The following PLXNA4 variants were observed in gnomAD, a reference collection of about 807,000 sequenced individuals.
PLXNA4 encodes plexin-A4.
In PLXNA4, 44 loss-of-function variants were observed where a neutral mutation model predicts 191.8. That is an observed-to-expected ratio of 0.23 (90% CI 0.18 to 0.29). The LOEUF (loss-of-function observed/expected upper bound fraction) is 0.29. Ranked by LOEUF, PLXNA4 falls within the 10% of genes least tolerant of loss-of-function variation. PLXNA4 has a pLI of 1.00. For missense variants in PLXNA4, 1,800 were observed against 2,488.8 expected, an observed-to-expected ratio of 0.72 and a Z score of 5.89; for synonymous variants, 1,082 against 1,009.5, an observed-to-expected ratio of 1.07 and a Z score of -1.36.
intron 1 of PLXNA4, among the ~76,000 whole-genome samples, chr7:132,532,972 T>A (rs1799681814): frequency 6.6e-6 from 1 of 152,240 alleles, no homozygotes; most frequent in Non-Finnish European, 1.5e-5. Flanking sequence ...CCTTGTAGGT[T>A]GTGATGAGGA....
chr7:132,328,563 C>A (rs1802465572), intron 3 of PLXNA4, among the ~76,000 whole-genome samples: 1 of 152,190 alleles, frequency 6.6e-6, no homozygotes, highest in Admixed American at 6.5e-5. Context: ...ACTCTGGGAG[C>A]AATTATGACC....
intron 3 of PLXNA4, among the ~76,000 whole-genome samples, chr7:132,478,766 G>T (rs1475490552): frequency 6.6e-6 from 1 of 152,108 alleles, no homozygotes; most frequent in African/African-American, 2.4e-5. Context: ...TCGTCAGGTG[G>T]CTTCAACATC....
chr7:132,557,930 A>AGG (rs1214231668), intron 1 of PLXNA4, among the ~76,000 whole-genome samples: 2 of 149,620 alleles, frequency 1.3e-5, no homozygotes, highest in Non-Finnish European at 3.0e-5. Flanking sequence ...TAAGGTAGGG[A>AGG]GAGAGAGAGA....
chr7:132,593,411 A>C (rs1474853381), intron 2 of PLXNA4, among the ~76,000 whole-genome samples: 2 of 152,222 alleles, frequency 1.3e-5, no homozygotes, highest in Non-Finnish European at 2.9e-5. Context: ...ACACCACCCC[A>C]GGTAAGCAGT....
intron 27 of PLXNA4, among the ~76,000 whole-genome samples, 178 bp downstream of exon 27, chr7:132,147,722 G>C (rs1459360573): frequency 6.6e-6 from 1 of 152,182 alleles, no homozygotes; most frequent in Non-Finnish European, 1.5e-5. Context: ...TTATGCATCA[G>C]AGTGCCCGAC....
At chr7:132,563,659 C>A (rs1433460596) in intron 1 of PLXNA4, among the ~76,000 whole-genome samples, 14 of 124,972 alleles carry the variant, frequency 1.1e-4, no homozygotes, top group Non-Finnish European at 1.9e-4. Flanking sequence ...TCTCCTCTTC[C>A]TCCTCCTTCT....
intron 1 of PLXNA4, among the ~76,000 whole-genome samples, chr7:132,575,295 T>G (rs1240877866): frequency 1.3e-5 from 2 of 152,140 alleles, no homozygotes; most frequent in Admixed American, 6.5e-5. Flanking sequence ...TGAAAATGCT[T>G]TCGGGAAATA....
intron 3 of PLXNA4, among the ~76,000 whole-genome samples, chr7:132,322,794 T>G (rs1444409147): frequency 6.6e-6 from 1 of 152,218 alleles, no homozygotes; most frequent in African/African-American, 2.4e-5. Context: ...TGGGTCACTC[T>G]TTGAAACAAC....
chr7:132,146,071 C>T, intron 28 of PLXNA4, among the ~76,000 whole-genome samples: 1 of 98,656 alleles, frequency 1.0e-5, no homozygotes, highest in South Asian at 3.8e-4. Flanking sequence ...CAGAACAAGA[C>T]TCTGTCTCAA....
intron 1 of PLXNA4, among the ~76,000 whole-genome samples, chr7:132,572,305 C>T (rs1802014650): frequency 6.6e-6 from 1 of 152,178 alleles, no homozygotes; most frequent in Admixed American, 6.5e-5. Context: ...TGTTATGAGG[C>T]AAACTACTTA....
chr7:132,390,431 A>G (rs1354629896), intron 3 of PLXNA4, among the ~76,000 whole-genome samples: 1 of 152,052 alleles, frequency 6.6e-6, no homozygotes, highest in Non-Finnish European at 1.5e-5. Context: ...GTCGGGGGCT[A>G]GGGAAGGGAT....
chr7:132,453,264 T>C lies in PLXNA4; in HGVS notation c.1371+36028A>G, dbSNP rs73158840. On this transcript the variant is annotated intron_variant, in intron 3 of 31. Transcript: ENST00000321063. ...CAGGCAGGTGGGAGAGCAGCAAAGA[T>C]GGGCAAGGCTGGAGAGAAAGGTGAC... 4.1e-3 allele frequency among the ~76,000 whole-genome samples: 622 copies of C among 152,090 alleles called. 9 individuals are homozygous for C. The highest frequency in any genetic ancestry group is 6.1e-3 in the Non-Finnish European group (415 of 67,988).
intron 3 of PLXNA4, among the ~76,000 whole-genome samples, chr7:132,378,751 A>C (rs1256958444): frequency 6.6e-6 from 1 of 152,104 alleles, no homozygotes; most frequent in African/African-American, 2.4e-5. Flanking sequence ...CTAAGATTTG[A>C]AATTTCACTC....
intron 3 of PLXNA4, among the ~76,000 whole-genome samples, chr7:132,432,536 C>A (rs1183391653): frequency 6.6e-6 from 1 of 152,088 alleles, no homozygotes; most frequent in Non-Finnish European, 1.5e-5. Context: ...CAAAGATTTT[C>A]ACATCTATTA....
intron 2 of PLXNA4, among the ~76,000 whole-genome samples, chr7:132,596,339 C>T (rs1466641239): frequency 6.6e-6 from 1 of 152,158 alleles, no homozygotes; most frequent in Non-Finnish European, 1.5e-5. Flanking sequence ...CCAAGATCTT[C>T]CAGGCCTCTC....
intron 3 of PLXNA4, among the ~76,000 whole-genome samples, chr7:132,418,697 G>A (rs773424979): frequency 4.6e-5 from 7 of 152,176 alleles, no homozygotes; most frequent in Non-Finnish European, 8.8e-5. Flanking sequence ...AGAAATCAAT[G>A]GTTTTCCTTC....
At chr7:132,600,235 C>T (rs1041684297) in intron 2 of PLXNA4, among the ~76,000 whole-genome samples, 2 of 152,102 alleles carry the variant, frequency 1.3e-5, no homozygotes, top group African/African-American at 4.8e-5. Flanking sequence ...GGTAGGATTT[C>T]ATTGTTCTTT....
chr7:132,539,198 A>G (rs1296283273), intron 1 of PLXNA4, among the ~76,000 whole-genome samples: 1 of 152,126 alleles, frequency 6.6e-6, no homozygotes, highest in Non-Finnish European at 1.5e-5. Context: ...GTACAACCCA[A>G]GTGAGACTCT....
chr7:132,589,094 A>T (rs1021918862), intron 2 of PLXNA4, among the ~76,000 whole-genome samples: 3 of 152,248 alleles, frequency 2.0e-5, no homozygotes, highest in Non-Finnish European at 4.4e-5. Flanking sequence ...ATCCATTGAA[A>T]AAAACATTTA....
Sources: gnomAD v4.1 joint callset for allele counts (sites outside exome capture counted in the v4.1 genomes callset) on GRCh38, gnomAD v4.1.1 for gene constraint, MANE v1.5 for transcripts, NCBI Gene and HGNC (gene_info 2026-07-23, HGNC 2026-07-21) for gene names.